The following CSMD3 variants were observed in gnomAD, a reference collection of about 807,000 sequenced individuals.
The protein encoded by CSMD3 is CUB and sushi domain-containing protein 3.
CSMD3 carries 177 observed loss-of-function variants against 435.2 expected under a neutral mutation model. The observed-to-expected ratio is 0.41, with a 90% CI of 0.36 to 0.46. The LOEUF is 0.46. Ranked by LOEUF, CSMD3 falls within the 20% of genes least tolerant of loss-of-function variation. CSMD3 has a pLI of 0.34. For synonymous variants in CSMD3, 1,656 were observed against 1,520.5 expected (o/e 1.09, Z -2.07); for missense variants, 4,265 against 4,504.6 (o/e 0.95, Z 1.52).
intron 7 of CSMD3, among the ~76,000 whole-genome samples, chr8:112,956,758 T>C (rs956388776): frequency 6.6e-6 from 1 of 152,108 alleles, no homozygotes; most frequent in Non-Finnish European, 1.5e-5. Flanking sequence ...CTTACAAGTA[T>C]CTTGATTTAA....
chr8:112,352,535 C>T lies in CSMD3; in HGVS notation c.6137-1G>A, dbSNP rs1826224790. The stretch of plus-strand genomic sequence containing the variant: ...TCAGGACAGGAATCCAAACCAATTG[C>T]TAAGAATATTTAATGATAACAATTT... On this transcript the variant is annotated splice_acceptor_variant, in intron 38 of 70. Coordinates refer to ENST00000297405, the MANE Select transcript of CSMD3 (RefSeq NM_198123.2). LOFTEE classifies it high-confidence loss of function. 5.0e-6 allele frequency: 8 copies of T among 1,605,816 alleles called. No individual in the cohort carries two copies. Among genetic ancestry groups the T allele is most frequent in the Non-Finnish European group, 6.8e-6 (8 of 1,173,050 alleles).
chr8:113,170,163 T>C (rs999152050), intron 4 of CSMD3, among the ~76,000 whole-genome samples: 1 of 152,158 alleles, frequency 6.6e-6, no homozygotes, highest in African/African-American at 2.4e-5. Context: ...CCTGCAAAGT[T>C]ATAAATGCTA....
chr8:112,586,513 C>T (rs931776938), intron 23 of CSMD3, among the ~76,000 whole-genome samples: 2 of 151,280 alleles, frequency 1.3e-5, no homozygotes, highest in Non-Finnish European at 3.0e-5. Context: ...ATAATGTTTA[C>T]ACCGATAGTC....
At chr8:112,246,464 GAA>G (rs1255400053) in intron 64 of CSMD3, among the ~76,000 whole-genome samples, 1 of 152,156 alleles carries the variant, frequency 6.6e-6, no homozygotes, top group Admixed American at 6.5e-5. Flanking sequence ...TTGTATGTCA[GAA>G]AAAGTTATTT....
At chr8:112,351,352 T>C (rs1826121553) in intron 39 of CSMD3, 108 bp from the exon 40 acceptor site, 6 of 733,826 alleles carry the variant, frequency 8.2e-6, no homozygotes, top group Admixed American at 2.0e-5. Context: ...ATGGCTTTAT[T>C]TTTATACACA....
intron 6 of CSMD3, among the ~76,000 whole-genome samples, chr8:112,983,191 A>C (rs2085117237): frequency 1.3e-5 from 2 of 151,812 alleles, no homozygotes; most frequent in Admixed American, 1.3e-4. Context: ...TAATTATTGA[A>C]AGAAAAAATA....
chr8:113,336,579 AC>A (rs1318238721), intron 1 of CSMD3, among the ~76,000 whole-genome samples: 2 of 151,924 alleles, frequency 1.3e-5, no homozygotes, highest in Non-Finnish European at 1.5e-5. Context: ...TTCTGAGTCT[AC>A]CCCAGCAGTG....
intron 22 of CSMD3, among the ~76,000 whole-genome samples, chr8:112,596,992 C>A (rs76579765): frequency 0.065 from 9,924 of 152,020 alleles, 440 homozygotes; most frequent in East Asian, 0.15. Context: ...CAAAAGCTAG[C>A]AGAAAGCAAG....
intron 1 of CSMD3, among the ~76,000 whole-genome samples, chr8:113,332,665 T>C (rs2094037233): frequency 6.6e-6 from 1 of 151,654 alleles, no homozygotes; most frequent in South Asian, 2.1e-4. Flanking sequence ...TTTCATCAAT[T>C]AGAAGGCAAC....
intron 5 of CSMD3, among the ~76,000 whole-genome samples, chr8:113,036,014 A>T (rs191501204): frequency 3.3e-5 from 5 of 152,112 alleles, no homozygotes; most frequent in Admixed American, 6.5e-5. Context: ...TCTTGAACTG[A>T]TACAATACCC....
intron 12 of CSMD3, among the ~76,000 whole-genome samples, chr8:112,824,867 G>A (rs1209155661): frequency 6.6e-6 from 1 of 152,184 alleles, no homozygotes; most frequent in Non-Finnish European, 1.5e-5. Context: ...CTAGGTTGGG[G>A]AAGTTTACCT....
intron 10 of CSMD3, among the ~76,000 whole-genome samples, chr8:112,892,292 G>T (rs1283344501): frequency 6.6e-6 from 1 of 151,102 alleles, no homozygotes; most frequent in Non-Finnish European, 1.5e-5. Context: ...TTTTTTCAAA[G>T]ATTGTATATT....
intron 22 of CSMD3, among the ~76,000 whole-genome samples, chr8:112,630,694 A>C (rs552393954): frequency 1.3e-5 from 2 of 152,242 alleles, no homozygotes; most frequent in East Asian, 3.9e-4. Context: ...GGGAGGAAGG[A>C]GTGAAAGATA....
At position 112,476,628 on chromosome 8, in the gene CSMD3, G is replaced by A. The variant is rs556275317; in HGVS notation, c.5279-3921C>T. Among the ~76,000 whole-genome samples the A allele has an allele frequency of 7.2e-5, 11 of 152,206 alleles. No homozygotes were observed. The South Asian group carries it at 2.3e-3, about 32-fold the overall frequency. On this transcript the variant is annotated intron_variant, in intron 31 of 70. Transcript: ENST00000297405. The stretch of plus-strand genomic sequence containing the variant: ...TAATAATTTTAATGTTTATGTAATT[G>A]ATAATAATTAATTGTAATTTTGCTG...
chr8:112,482,640 A>G (rs923276257), intron 31 of CSMD3, among the ~76,000 whole-genome samples: 19 of 152,202 alleles, frequency 1.2e-4, no homozygotes, highest in African/African-American at 4.6e-4. Context: ...TGAAACTAAA[A>G]TAGCTTTTTA....
chr8:113,032,466 C>G (rs2087155248), intron 5 of CSMD3, among the ~76,000 whole-genome samples: 1 of 151,522 alleles, frequency 6.6e-6, no homozygotes, highest in Non-Finnish European at 1.5e-5. Context: ...ATTTATGGAA[C>G]TTTGAGCTTG....
intron 25 of CSMD3, among the ~76,000 whole-genome samples, chr8:112,556,321 A>T (rs1311275945): frequency 6.6e-6 from 1 of 152,004 alleles, no homozygotes; most frequent in Non-Finnish European, 1.5e-5. Flanking sequence ...TCCTACTGAA[A>T]TTGAGTGCTA....
intron 4 of CSMD3, among the ~76,000 whole-genome samples, chr8:113,161,644 G>T (rs191768498): frequency 6.6e-6 from 1 of 151,880 alleles, no homozygotes; most frequent in Non-Finnish European, 1.5e-5. Context: ...TACTTTTACC[G>T]GAACAGTATT....
At chr8:112,486,252 C>G (rs16883738) in intron 31 of CSMD3, among the ~76,000 whole-genome samples, 1 of 151,810 alleles carries the variant, frequency 6.6e-6, no homozygotes. Context: ...TCCAGGCACT[C>G]TTTGGTTCTG....
Sources: allele counts gnomAD v4.1 joint callset (sites outside exome capture counted in the v4.1 genomes callset), GRCh38; gene constraint gnomAD v4.1.1; transcripts MANE v1.5; gene names NCBI Gene and HGNC (gene_info 2026-07-23, HGNC 2026-07-21).